The following GARRE1 variants were observed in gnomAD, a reference collection of about 807,000 sequenced individuals.
The protein encoded by GARRE1 is granule associated Rac and RHOG effector protein 1.
In GARRE1, 49 loss-of-function variants were observed where a neutral mutation model predicts 103.2. The ratio of observed to expected loss-of-function variants is 0.47; its 90% CI spans 0.38 to 0.60. The LOEUF is 0.60. Ranked by LOEUF, GARRE1 falls within the 20% of genes least tolerant of loss-of-function variation. The pLI is 0.00. For missense variants in GARRE1, 1,199 were observed against 1,370.5 expected, an observed-to-expected ratio of 0.87 and a Z score of 1.98; for synonymous variants, 505 against 532.8, an observed-to-expected ratio of 0.95 and a Z score of 0.72.
At chr19:34,269,644 C>A (rs948624992) in intron 1 of GARRE1, among the ~76,000 whole-genome samples, 5 of 152,076 alleles carry the variant, frequency 3.3e-5, no homozygotes, top group South Asian at 2.1e-4. Context: ...CTCACTGCAA[C>A]CATGAACACC....
At chr19:34,301,877 G>T (rs2073981011) in intron 2 of GARRE1, among the ~76,000 whole-genome samples, 1 of 149,338 alleles carries the variant, frequency 6.7e-6, no homozygotes, top group Non-Finnish European at 1.5e-5. Context: ...TAGAGATGGG[G>T]TTTCACCATG....
At chr19:34,336,722 G>A (rs1306789029) in intron 8 of GARRE1, among the ~76,000 whole-genome samples, 3 of 152,056 alleles carry the variant, frequency 2.0e-5, no homozygotes, top group Non-Finnish European at 2.9e-5. Flanking sequence ...CACCCATCTT[G>A]GCCTCCCAAA....
At chr19:34,318,963 C>T (rs182999465) in intron 2 of GARRE1, among the ~76,000 whole-genome samples, 2 of 151,820 alleles carry the variant, frequency 1.3e-5, no homozygotes, top group Admixed American at 1.3e-4. Context: ...TGCAGTGAGC[C>T]GAGATCACGC....
At chr19:34,281,360 A>G (rs1281260156) in intron 1 of GARRE1, among the ~76,000 whole-genome samples, 5 of 152,112 alleles carry the variant, frequency 3.3e-5, no homozygotes, top group Non-Finnish European at 7.4e-5. Context: ...GTGTGATCTC[A>G]GCTCACTGCA....
intron 1 of GARRE1, among the ~76,000 whole-genome samples, chr19:34,277,901 AC>A (rs57721089): frequency 0.27 from 25,540 of 93,812 alleles, 3,299 homozygotes; most frequent in South Asian, 0.35. Flanking sequence ...GCTTGATTTC[AC>A]CCCCCCCCCC....
rs570349803 is a variant in GARRE1, at chr19:34,299,866, C to T, written c.-608C>T. 1 of 152,210 alleles carries T rather than the reference C, an allele frequency of 6.6e-6. No individual in the cohort carries two copies. Among genetic ancestry groups the T allele is most frequent in the Non-Finnish European group, 1.5e-5 (1 of 68,016 alleles). The allele number at this position is 152,210 out of a possible 1,614,324, so 9.4% of individuals were successfully genotyped here. A position where few individuals can be genotyped will look rare whatever the true frequency, so the allele number is the denominator to read the frequency against. On this transcript the variant is annotated 5_prime_UTR_variant, in exon 2 of 14. Coordinates refer to ENST00000299505, the MANE Select transcript of GARRE1 (RefSeq NM_014686.5). ...TAAAAAAAAAAGAAAAACTTGTTTT[C>T]AGGAAACATTAGAGGAAATTTGGAG...
intron 3 of GARRE1, among the ~76,000 whole-genome samples, chr19:34,323,051 G>A (rs558026240): frequency 0.01 from 262 of 25,836 alleles, 1 homozygote; most frequent in Admixed American, 0.012. Context: ...TTTTTTTTTT[G>A]AGGTGGAGTC....
chr19:34,266,595 C>T (rs1195296781), intron 1 of GARRE1, among the ~76,000 whole-genome samples: 1 of 152,160 alleles, frequency 6.6e-6, no homozygotes. Flanking sequence ...CTCTTCACCT[C>T]GGCCTCCCAA....
rs188929798 is a variant in GARRE1 at position 34,296,480 on chromosome 19, A to G, written c.-795-3199A>G. 31 of 1,594,394 alleles carry G rather than the reference A, an allele frequency of 1.9e-5. No homozygotes were observed. The African/African-American group carries it at 2.1e-4, about 11-fold the overall frequency. ...CAAGTCGATCGAGCTTGTGGCTGAC[A>G]CCCTTTGGGATCTTGGGCTTAACCT... On this transcript the variant is annotated intron_variant, in intron 1 of 13. Transcript: ENST00000299505.
intron 12 of GARRE1, 68 bp downstream of exon 12, chr19:34,349,221 C>G: frequency 3.3e-6 from 5 of 1,526,054 alleles, no homozygotes; most frequent in Non-Finnish European, 4.5e-6. Context: ...GGCTCACTCC[C>G]TGGGAAAGCC....
chr19:34,327,637 T>C, intron 4 of GARRE1, 76 bp downstream of exon 4: 1 of 1,549,596 alleles, frequency 6.5e-7, no homozygotes, highest in Non-Finnish European at 8.9e-7. Flanking sequence ...TGATGTTGAA[T>C]CAATTAGAAA....
At position 34,327,565 on chromosome 19, in the gene GARRE1, A is replaced by C; in HGVS notation, c.846+4A>C. The C allele has an allele frequency of 6.2e-7, 1 of 1,613,420 alleles. No individual in the cohort carries two copies. Among genetic ancestry groups the C allele is most frequent in the South Asian group, 1.1e-5 (1 of 91,076 alleles). ...AAAAATCGACAGTGCTTTGCAAGTAAGTTTTTCAGAACTGACATACTGATT... is the reference window on the plus strand; with the variant it reads ...AAAAATCGACAGTGCTTTGCAAGTACGTTTTTCAGAACTGACATACTGATT... On this transcript the variant is annotated splice_donor_region_variant and intron_variant, in intron 4 of 13. Transcript: ENST00000299505.
intron 7 of GARRE1, among the ~76,000 whole-genome samples, chr19:34,333,366 ACTT>A (rs945569984): frequency 6.6e-6 from 1 of 152,190 alleles, no homozygotes; most frequent in African/African-American, 2.4e-5. Context: ...TGACACTTTT[ACTT>A]CTTTTAAGTG....
In GARRE1 at chr19:34,300,617, G is replaced by A. The variant is rs140257965; in HGVS notation, c.144G>A (p.Thr48=). ...GRALSAPLAS[T]ATTAPLGSLT... is the part of the protein sequence containing the mutation. The stretch of plus-strand genomic sequence containing the variant: ...CACTGAGTGCTCCCCTGGCATCCAC[G>A]GCCACCACTGCCCCCCTGGGCAGTC... Residue 48 remains threonine, a synonymous_variant, in exon 2 of 14, where the codon ACG becomes ACA. Coordinates refer to ENST00000299505, the MANE Select transcript of GARRE1 (RefSeq NM_014686.5). 2.5e-6 allele frequency: 4 copies of A among 1,613,472 alleles called. No homozygotes were observed. The highest frequency in any genetic ancestry group is 2.2e-5 in the South Asian group (2 of 91,080).
chr19:34,296,736 G>T (rs2073949666), intron 1 of GARRE1: 3 of 673,896 alleles, frequency 4.5e-6, no homozygotes, highest in Non-Finnish European at 7.9e-6. Context: ...CTTGGACTTG[G>T]CCCTGTCTGT....
Position 34,305,946 on chromosome 19 carries a change from A to C in GARRE1, c.495+4978A>C, listed in dbSNP as rs1199543852. ...ATTTATGCGTCTATTCTGAGTTTCA[A>C]ACAGCTGACTTACAAGTGAATTTCT... On this transcript the variant is annotated intron_variant, in intron 2 of 13. Coordinates refer to ENST00000299505, the MANE Select transcript of GARRE1 (RefSeq NM_014686.5). Among the ~76,000 whole-genome samples, 3 of 152,206 alleles carry C rather than the reference A, an allele frequency of 2.0e-5. No homozygotes were observed. The East Asian group carries it at 5.8e-4, about 29-fold the overall frequency.
intron 1 of GARRE1, 142 bp downstream of exon 1, chr19:34,254,756 G>A (rs971777311): frequency 6.7e-6 from 1 of 148,350 alleles, no homozygotes; most frequent in African/African-American, 2.4e-5. Context: ...GGGCCGCAGG[G>A]CGCGGGGCCG....
Position 34,300,710 on chromosome 19 carries a change from C to A in GARRE1, c.237C>A (p.Gly79=). 1 of 1,614,212 alleles carries A rather than the reference C, an allele frequency of 6.2e-7. No individual in the cohort carries two copies. The part of the protein sequence containing the change: ...HTTPIADIQQ[G]ISKYLDALNV... ...CTCCTATCGCCGACATCCAGCAGGG[C>A]ATCTCCAAGTATCTGGATGCCCTGA... The change falls in exon 2 of 14, where the codon GGC becomes GGA. Residue 79 remains glycine, a synonymous_variant. Transcript: ENST00000299505.
chr19:34,322,736 C>T lies in GARRE1; in HGVS notation c.705+2620C>T, dbSNP rs530791955. Among the ~76,000 whole-genome samples, 103 of 151,698 alleles carry T rather than the reference C, an allele frequency of 6.8e-4. 2 individuals are homozygous for T. Among genetic ancestry groups the T allele is most frequent in the Admixed American group, 2.6e-3 (39 of 15,226 alleles). On this transcript the variant is annotated intron_variant, in intron 3 of 13. Coordinates refer to ENST00000299505, the MANE Select transcript of GARRE1 (RefSeq NM_014686.5). ...CTCAGTAGCTGGGATTATAGGCACC[C>T]GCCACCACGCCCAGCTAATTTTTGT...
Sources: gnomAD v4.1 joint callset for allele counts (sites outside exome capture counted in the v4.1 genomes callset) on GRCh38, gnomAD v4.1.1 for gene constraint, MANE v1.5 for transcripts, NCBI Gene and HGNC (gene_info 2026-07-23, HGNC 2026-07-21) for gene names.